SCHIP1: variants seen among roughly 807,000 people sequenced by gnomAD.
The protein encoded by SCHIP1 is schwannomin interacting protein 1.
A neutral mutation model predicts 29.7 loss-of-function variants in SCHIP1; 8 were observed. The observed-to-expected ratio is 0.27, with a 90% CI of 0.16 to 0.49. The LOEUF is 0.49. SCHIP1 is among the 20% of genes least tolerant of loss of function. The probability of loss-of-function intolerance (pLI) is 0.99; values close to 1 mark genes in which losing one functional copy is unlikely to be tolerated. For missense variants in SCHIP1, 193 were observed against 294.6 expected (o/e 0.66, Z 2.52); for synonymous variants, 76 against 94.9 (o/e 0.80, Z 1.16).
At chr3:159,308,872 G>A in the SCHIP1 span, among the ~76,000 whole-genome samples, 2 of 152,146 alleles carry the variant, frequency 1.3e-5, no homozygotes, top group Non-Finnish European at 2.9e-5. Flanking sequence ...CAACATGAAT[G>A]GAGCTGGAGG....
the SCHIP1 span, among the ~76,000 whole-genome samples, chr3:159,655,889 AG>A: frequency 4.6e-5 from 7 of 152,218 alleles, no homozygotes; most frequent in African/African-American, 1.7e-4. Flanking sequence ...ACTCCGTCTC[AG>A]AAGAAAAAAA....
the SCHIP1 span, among the ~76,000 whole-genome samples, chr3:159,292,183 A>G: frequency 6.6e-6 from 1 of 152,126 alleles, no homozygotes; most frequent in African/African-American, 2.4e-5. Context: ...AATAGTTGAG[A>G]AGGAAGAAGA....
At chr3:159,883,922 A>G (rs541419191) in intron 2 of SCHIP1, among the ~76,000 whole-genome samples, 9 of 152,340 alleles carry the variant, frequency 5.9e-5, no homozygotes, top group African/African-American at 1.9e-4. Flanking sequence ...TTCAAAAAGA[A>G]GTCAGCGTGG....
chr3:159,303,411 AG>A, the SCHIP1 span, among the ~76,000 whole-genome samples: 6 of 150,614 alleles, frequency 4.0e-5, no homozygotes, highest in African/African-American at 1.5e-4. Context: ...TTTCCCTAAT[AG>A]GGGGGTACTG....
At chr3:159,788,758 A>G in the SCHIP1 span, among the ~76,000 whole-genome samples, 2 of 152,336 alleles carry the variant, frequency 1.3e-5, no homozygotes, top group East Asian at 3.9e-4. Flanking sequence ...TGTAGGATAC[A>G]TGCATTAAAC....
At chr3:159,731,660 AG>A in the SCHIP1 span, among the ~76,000 whole-genome samples, 2 of 152,186 alleles carry the variant, frequency 1.3e-5, no homozygotes, top group East Asian at 3.8e-4. Context: ...GTCAGGAGGA[AG>A]GGGGCAAACT....
At chr3:159,312,476 A>T in the SCHIP1 span, among the ~76,000 whole-genome samples, 1 of 152,208 alleles carries the variant, frequency 6.6e-6, no homozygotes, top group Non-Finnish European at 1.5e-5. Context: ...CAATTTCGCA[A>T]GTGACGTGCA....
chr3:159,626,454 T>C, the SCHIP1 span, among the ~76,000 whole-genome samples: 1 of 152,070 alleles, frequency 6.6e-6, no homozygotes, highest in South Asian at 2.1e-4. Flanking sequence ...CTGCCCATGT[T>C]TCTTGAAGGA....
the SCHIP1 span, among the ~76,000 whole-genome samples, chr3:159,572,042 A>G: frequency 5.3e-5 from 8 of 151,870 alleles, no homozygotes; most frequent in South Asian, 2.1e-4. Flanking sequence ...TCTTGCTAGC[A>G]GTCTGTCAAT....
chr3:159,828,376 C>CGT, the SCHIP1 span, among the ~76,000 whole-genome samples: 34 of 75,720 alleles, frequency 4.5e-4, 2 homozygotes, highest in Admixed American at 1.7e-3. Flanking sequence ...TATATATATA[C>CGT]ATATATATAT....
intron 2 of SCHIP1, among the ~76,000 whole-genome samples, chr3:159,875,172 T>C (rs1715676682): frequency 6.6e-6 from 1 of 152,206 alleles, no homozygotes; most frequent in Non-Finnish European, 1.5e-5. Context: ...ACAAATCTAA[T>C]TATGTAAGCA....
the SCHIP1 span, among the ~76,000 whole-genome samples, chr3:159,331,749 TTCTC>T: frequency 2.0e-5 from 3 of 152,178 alleles, no homozygotes; most frequent in African/African-American, 7.2e-5. Context: ...CCTCTTGACT[TTCTC>T]TCTGCCTTGA....
the SCHIP1 span, chr3:159,764,973 G>A: frequency 6.7e-7 from 1 of 1,490,268 alleles, no homozygotes; most frequent in Admixed American, 2.4e-5. The surrounding 1 kb of genome is among the most constrained non-coding windows in gnomAD (Gnocchi z 6.1). Flanking sequence ...GCGGCCCGGC[G>A]GCTGGGGGGC....
At chr3:159,803,789 C>G in the SCHIP1 span, among the ~76,000 whole-genome samples, 1 of 152,170 alleles carries the variant, frequency 6.6e-6, no homozygotes, top group Non-Finnish European at 1.5e-5. Flanking sequence ...TTCCTTCGTC[C>G]AGGGGAATAC....
At chr3:159,859,662 A>G (rs1370448262) in intron 1 of SCHIP1, among the ~76,000 whole-genome samples, 1 of 152,264 alleles carries the variant, frequency 6.6e-6, no homozygotes, top group African/African-American at 2.4e-5. Flanking sequence ...CCAGGCTGCT[A>G]CAAATGAAAT....
the SCHIP1 span, among the ~76,000 whole-genome samples, chr3:159,428,100 A>T: frequency 6.6e-6 from 1 of 151,714 alleles, no homozygotes. Context: ...CCCTAGAAGA[A>T]AACCTAGGCA....
At chr3:159,788,866 T>C in the SCHIP1 span, among the ~76,000 whole-genome samples, 3 of 152,148 alleles carry the variant, frequency 2.0e-5, no homozygotes, top group African/African-American at 7.2e-5. Flanking sequence ...ATATATAAAA[T>C]TGAGCATCTG....
the SCHIP1 span, among the ~76,000 whole-genome samples, chr3:159,355,233 C>A: frequency 2.0e-5 from 3 of 152,106 alleles, no homozygotes; most frequent in Non-Finnish European, 1.5e-5. Context: ...TCCCCCTACA[C>A]CACCAAATAT....
chr3:159,672,403 A>G, the SCHIP1 span, among the ~76,000 whole-genome samples: 3 of 152,232 alleles, frequency 2.0e-5, no homozygotes, highest in African/African-American at 7.2e-5. Flanking sequence ...GTCTCTTCAC[A>G]TGGGTGCTGC....
Sources: gnomAD v4.1 joint callset for allele counts (sites outside exome capture counted in the v4.1 genomes callset) on GRCh38, gnomAD v4.1.1 for gene constraint, Gnocchi (gnomAD v3.1) non-coding constraint, MANE v1.5 for transcripts, NCBI Gene and HGNC (gene_info 2026-07-23, HGNC 2026-07-21) for gene names.